Variants in CTNNA1 observed in about 807,000 individuals in gnomAD.
The protein encoded by CTNNA1 is catenin alpha-1.
A neutral mutation model predicts 98.4 loss-of-function variants in CTNNA1; 37 were observed. That is an observed-to-expected ratio of 0.38 (90% CI 0.29 to 0.49). The LOEUF (loss-of-function observed/expected upper bound fraction) is 0.49. CTNNA1 is among the 20% of genes least tolerant of loss of function. CTNNA1 has a pLI of 0.95. For missense variants in CTNNA1, 761 were observed against 1,147.2 expected (o/e 0.66, Z 4.86); for synonymous variants, 404 against 413.2 (o/e 0.98, Z 0.27).
intron 1 of CTNNA1, among the ~76,000 whole-genome samples, chr5:138,775,676 T>C (rs1754027087): frequency 6.6e-6 from 1 of 152,080 alleles, no homozygotes; most frequent in Non-Finnish European, 1.5e-5. Flanking sequence ...AATCACTGTG[T>C]TTAAGTCTCT....
At chr5:138,803,915 C>T (rs1414491372) in intron 3 of CTNNA1, among the ~76,000 whole-genome samples, 1 of 152,176 alleles carries the variant, frequency 6.6e-6, no homozygotes, top group Admixed American at 6.5e-5. Context: ...AGAATAGTGC[C>T]TGGCTGATAG....
intron 5 of CTNNA1, among the ~76,000 whole-genome samples, chr5:138,817,133 C>T (rs115038115): frequency 1.3e-5 from 2 of 152,202 alleles, no homozygotes; most frequent in Non-Finnish European, 2.9e-5. Context: ...TTCAGGTTGG[C>T]TCTTCACTCT....
At chr5:138,788,247 A>G (rs1755938587) in intron 3 of CTNNA1, among the ~76,000 whole-genome samples, 2 of 152,130 alleles carry the variant, frequency 1.3e-5, no homozygotes, top group Non-Finnish European at 2.9e-5. Flanking sequence ...TTCTGTTTGT[A>G]TCTATGATAG....
chr5:138,862,937 A>G (rs1357955583), intron 7 of CTNNA1, among the ~76,000 whole-genome samples: 1 of 152,230 alleles, frequency 6.6e-6, no homozygotes, highest in Non-Finnish European at 1.5e-5. Flanking sequence ...ATTAAAAATA[A>G]TAAAACAGTT....
intron 3 of CTNNA1, among the ~76,000 whole-genome samples, chr5:138,786,537 C>T (rs953079956): frequency 2.6e-5 from 4 of 152,102 alleles, no homozygotes; most frequent in Non-Finnish European, 5.9e-5. Flanking sequence ...CTTAGTGATT[C>T]CTACAATGAC....
intron 9 of CTNNA1, among the ~76,000 whole-genome samples, chr5:138,902,445 A>C (rs1758246345): frequency 6.6e-6 from 1 of 152,166 alleles, no homozygotes; most frequent in South Asian, 2.1e-4. Context: ...TTTGAGACGG[A>C]GTCTCGCTCT....
chr5:138,885,685 G>A (rs563457926), intron 7 of CTNNA1, among the ~76,000 whole-genome samples: 5 of 152,188 alleles, frequency 3.3e-5, no homozygotes, highest in African/African-American at 1.2e-4. Context: ...ATCCTACAAA[G>A]CATTATGATT....
chr5:138,790,909 G>A (rs1209204168), intron 3 of CTNNA1: 7 of 152,162 alleles, frequency 4.6e-5, no homozygotes, highest in African/African-American at 7.2e-5. Flanking sequence ...TCATGTATGT[G>A]TTGTTATTCT....
chr5:138,825,370 C>T (rs922482899), intron 6 of CTNNA1, among the ~76,000 whole-genome samples: 22 of 151,874 alleles, frequency 1.4e-4, no homozygotes, highest in Non-Finnish European at 8.8e-5. Context: ...ATAAATGATG[C>T]GCTAGGTCTG....
chr5:138,838,737 C>G (rs116432269), intron 7 of CTNNA1, among the ~76,000 whole-genome samples: 2 of 152,008 alleles, frequency 1.3e-5, no homozygotes, highest in African/African-American at 4.8e-5. Flanking sequence ...TGTCTGCATC[C>G]GATAAATTCT....
rs1760857645 is a variant in CTNNA1 at position 138,827,683 on chromosome 5, G to T, written c.1027G>T (p.Ala343Ser). The part of the protein sequence containing the change: ...IVAECNAVRQ[A>S]LQDLLSEYMG... ...GGCAGAGTGTAATGCTGTCCGCCAG[G>T]CCCTGCAGGACCTGCTTTCGGAGTA... Residue 343 changes from alanine to serine, a missense_variant, in exon 7 of 18, where the codon GCC (alanine) becomes TCC (serine). Ala to Ser is a moderately conservative substitution (Grantham distance 99). Coordinates refer to ENST00000302763, the MANE Select transcript of CTNNA1 (RefSeq NM_001903.5). The T allele has an allele frequency of 6.2e-7, 1 of 1,614,214 alleles. No individual in the cohort carries two copies. Among genetic ancestry groups the T allele is most frequent in the Non-Finnish European group, 8.5e-7 (1 of 1,180,040 alleles).
intron 1 of CTNNA1, among the ~76,000 whole-genome samples, chr5:138,760,205 G>T (rs1470750633): frequency 6.6e-5 from 10 of 151,392 alleles, no homozygotes; most frequent in African/African-American, 2.4e-4. Flanking sequence ...TGTTGGTCAG[G>T]CTGGTCTTGA....
At chr5:138,800,953 A>T (rs1488455141) in intron 3 of CTNNA1, among the ~76,000 whole-genome samples, 2 of 152,142 alleles carry the variant, frequency 1.3e-5, no homozygotes, top group South Asian at 4.1e-4. Flanking sequence ...TTCCAGCATC[A>T]CTAGTGGCAC....
At chr5:138,870,113 G>A (rs528239826) in intron 7 of CTNNA1, 106 of 152,276 alleles carry the variant, frequency 7.0e-4, no homozygotes, top group African/African-American at 2.5e-3. Context: ...GAAAAAAAAT[G>A]GAGTGGGTAG....
At chr5:138,780,937 G>A (rs1755022621) in intron 1 of CTNNA1, among the ~76,000 whole-genome samples, 1 of 91,178 alleles carries the variant, frequency 1.1e-5, no homozygotes, top group Admixed American at 1.3e-4. Context: ...ACTTTTAGAA[G>A]AAAAGACTAA....
chr5:138,851,940 C>T (rs983328736), intron 7 of CTNNA1, among the ~76,000 whole-genome samples: 1 of 149,904 alleles, frequency 6.7e-6, no homozygotes, highest in South Asian at 2.1e-4. Flanking sequence ...CATGATGGCG[C>T]GTGCCTGTAA....
chr5:138,835,165 C>T (rs997933649), intron 7 of CTNNA1, among the ~76,000 whole-genome samples: 6 of 152,120 alleles, frequency 3.9e-5, no homozygotes, highest in Non-Finnish European at 8.8e-5. Flanking sequence ...TGGCTATTTT[C>T]GCTTCTTTTG....
chr5:138,759,546 G>A lies in CTNNA1; in HGVS notation c.-3+6036G>A, dbSNP rs563528882. On this transcript the variant is annotated intron_variant, in intron 1 of 17. Transcript: ENST00000302763. ...AATTTCCTGGAAGTCTACTTCAGCT[G>A]GAGGGGGAGGACTTGCAGTCATGGA... Among the ~76,000 whole-genome samples the A allele has an allele frequency of 1.4e-4, 22 of 152,338 alleles. No individual in the cohort carries two copies. The South Asian group carries it at 4.4e-3, about 30-fold the overall frequency.
intron 9 of CTNNA1, among the ~76,000 whole-genome samples, chr5:138,899,449 T>TG (rs1283338040): frequency 6.6e-6 from 1 of 152,182 alleles, no homozygotes; most frequent in Non-Finnish European, 1.5e-5. Flanking sequence ...GAATTTGGAG[T>TG]GGGGTATAGG....
Sources: gnomAD v4.1 joint callset for allele counts (sites outside exome capture counted in the v4.1 genomes callset) on GRCh38, gnomAD v4.1.1 for gene constraint, MANE v1.5 for transcripts, NCBI Gene and HGNC (gene_info 2026-07-23, HGNC 2026-07-21) for gene names.